HHIP: variants seen among roughly 807,000 people sequenced by gnomAD.
HHIP encodes the protein hedgehog-interacting protein.
In HHIP, 12 loss-of-function variants were observed where a neutral mutation model predicts 74.0. The ratio of observed to expected loss-of-function variants is 0.16; its 90% CI spans 0.10 to 0.26. HHIP has a LOEUF of 0.26. Ranked by LOEUF, HHIP falls within the 10% of genes least tolerant of loss-of-function variation. The probability of loss-of-function intolerance (pLI) is 1.00; values close to 1 mark genes in which losing one functional copy is unlikely to be tolerated. For synonymous variants in HHIP, 309 were observed against 311.6 expected (o/e 0.99, Z 0.09); for missense variants, 788 against 845.0 (o/e 0.93, Z 0.84).
chr4:144,691,224 A>G (rs1729654039), intron 4 of HHIP, among the ~76,000 whole-genome samples: 1 of 152,184 alleles, frequency 6.6e-6, no homozygotes, highest in South Asian at 2.1e-4. Flanking sequence ...ATAGACCACC[A>G]GATATCTGGA....
intron 4 of HHIP, among the ~76,000 whole-genome samples, chr4:144,660,862 T>C (rs1272418503): frequency 1.3e-5 from 2 of 152,168 alleles, no homozygotes; most frequent in Non-Finnish European, 2.9e-5. Flanking sequence ...TAATATTCAT[T>C]CACAAAAAGG....
intron 12 of HHIP, among the ~76,000 whole-genome samples, chr4:144,735,180 A>G (rs1731077196): frequency 6.6e-6 from 1 of 152,168 alleles, no homozygotes; most frequent in Non-Finnish European, 1.5e-5. Flanking sequence ...TCATCTCTTT[A>G]GGCCTCTTGG....
At chr4:144,696,980 T>G (rs1458810223) in intron 4 of HHIP, among the ~76,000 whole-genome samples, 2 of 151,980 alleles carry the variant, frequency 1.3e-5, no homozygotes, top group Non-Finnish European at 2.9e-5. Context: ...ATATCTAACA[T>G]TTTGTTGTGT....
intron 11 of HHIP, among the ~76,000 whole-genome samples, chr4:144,724,124 T>C (rs1185828458): frequency 6.6e-6 from 1 of 152,200 alleles, no homozygotes; most frequent in Non-Finnish European, 1.5e-5. Flanking sequence ...GCATACATAA[T>C]AGATGGTAGC....
intron 4 of HHIP, among the ~76,000 whole-genome samples, chr4:144,701,664 T>C (rs1297526555): frequency 2.0e-5 from 3 of 152,142 alleles, no homozygotes; most frequent in Non-Finnish European, 4.4e-5. Flanking sequence ...GTGGAATAAG[T>C]GTAAAATTAA....
At chr4:144,704,992 C>T (rs1730092378) in intron 4 of HHIP, among the ~76,000 whole-genome samples, 1 of 152,128 alleles carries the variant, frequency 6.6e-6, no homozygotes, top group South Asian at 2.1e-4. Flanking sequence ...ATATATCGGT[C>T]ATTAGAGTTT....
In HHIP at chr4:144,740,956, C is replaced by T. The variant is rs1731248331; in HGVS notation, c.*2999C>T. On this transcript the variant is annotated 3_prime_UTR_variant, in exon 13 of 13. Transcript: ENST00000296575. ...AACCTTTCTACTACTGTTTCTGCCA[C>T]ACTGTTGTCCTGGTTCATAGAACCT... is the stretch of plus-strand genomic sequence containing the variant. 6.6e-6 allele frequency: 1 copy of T among 152,130 alleles called. No individual in the cohort carries two copies. Among genetic ancestry groups the T allele is most frequent in the African/African-American group, 2.4e-5 (1 of 41,402 alleles). The allele number at this position is 152,130 out of a possible 1,614,324, so 9.4% of individuals were successfully genotyped here. A position where few individuals can be genotyped will look rare whatever the true frequency, so the allele number is the denominator to read the frequency against.
chr4:144,706,252 C>T (rs556625866), intron 4 of HHIP, among the ~76,000 whole-genome samples: 3 of 152,276 alleles, frequency 2.0e-5, no homozygotes, highest in East Asian at 1.9e-4. Context: ...GTCCTCCTAG[C>T]GGCCCAAGAT....
At chr4:144,707,331 A>G (rs1172941543) in intron 6 of HHIP, 71 bp downstream of exon 6, 7 of 1,303,728 alleles carry the variant, frequency 5.4e-6, no homozygotes, top group Non-Finnish European at 7.4e-6. Context: ...AAAGGTGGGC[A>G]CCAGTGAATT....
chr4:144,707,371 T>A, intron 6 of HHIP, 111 bp downstream of exon 6: 3 of 837,368 alleles, frequency 3.6e-6, no homozygotes, highest in Non-Finnish European at 5.5e-6. Context: ...TCACCTTGGT[T>A]AAATACTTAA....
chr4:144,662,483 AC>A (rs1187924558), intron 4 of HHIP, among the ~76,000 whole-genome samples: 1 of 152,266 alleles, frequency 6.6e-6, no homozygotes, highest in African/African-American at 2.4e-5. Context: ...AATGCAAAGC[AC>A]AAGCTAAAGA....
intron 11 of HHIP, among the ~76,000 whole-genome samples, chr4:144,726,025 A>G (rs1327463808): frequency 1.3e-5 from 2 of 152,108 alleles, no homozygotes. Flanking sequence ...TTTTTATCAC[A>G]ATAAAAATAG....
intron 8 of HHIP, among the ~76,000 whole-genome samples, chr4:144,712,885 GGTGT>G (rs4030000): frequency 2.6e-4 from 37 of 144,130 alleles, no homozygotes; most frequent in African/African-American, 6.2e-4. Flanking sequence ...TTTTTTTTCA[GGTGT>G]GTGTGTGTGT....
rs1262324578 is a variant in HHIP at position 144,743,204 on chromosome 4, C to G, written c.*5247C>G. On this transcript the variant is annotated 3_prime_UTR_variant, in exon 13 of 13. Transcript: ENST00000296575. ...ATATATTCATGGGATTGTGAGGGAG[C>G]ATTGTAGAGCTGTTTTCTTCTCAGT... is the stretch of plus-strand genomic sequence containing the variant. The G allele has an allele frequency of 6.6e-6, 1 of 150,708 alleles. No homozygotes were observed. Among genetic ancestry groups the G allele is most frequent in the Non-Finnish European group, 1.5e-5 (1 of 67,690 alleles). The allele number at this position is 150,708 out of a possible 1,614,324, so 9.3% of individuals were successfully genotyped here.
chr4:144,669,778 T>C (rs1285151667), intron 4 of HHIP, among the ~76,000 whole-genome samples: 1 of 148,344 alleles, frequency 6.7e-6, no homozygotes, highest in Non-Finnish European at 1.5e-5. Context: ...CAGTTTTATA[T>C]ATAGCCACAA....
chr4:144,658,800 A>T lies in HHIP; in HGVS notation c.483A>T (p.Gln161His), dbSNP rs751946112. ...TCRGHIPGFL[Q>H]TTADEFCFYY... The stretch of plus-strand genomic sequence containing the variant: ...TTATATTTTTTAAAGGTTTCCTTCA[A>T]ACAACTGCGGATGAGTTTTGCTTTT... Residue 161 changes from glutamine (Q) to histidine (H), a missense_variant, in exon 3 of 13, where the codon CAA becomes CAT. Gln to His is a conservative substitution (Grantham distance 24, BLOSUM62 0). Coordinates refer to ENST00000296575, the MANE Select transcript of HHIP (RefSeq NM_022475.3). 1 of 1,611,792 alleles carries T rather than the reference A, an allele frequency of 6.2e-7. No individual in the cohort carries two copies. The highest frequency in any genetic ancestry group is 1.3e-5 in the African/African-American group (1 of 74,884).
chr4:144,711,330 T>A (rs778551408), intron 7 of HHIP, among the ~76,000 whole-genome samples: 2 of 152,216 alleles, frequency 1.3e-5, no homozygotes, highest in South Asian at 2.1e-4. Flanking sequence ...TTGTTTTTTT[T>A]ATGTTATTTT....
intron 4 of HHIP, among the ~76,000 whole-genome samples, chr4:144,664,602 T>C (rs1038361768): frequency 6.6e-6 from 1 of 152,172 alleles, no homozygotes; most frequent in African/African-American, 2.4e-5. Flanking sequence ...AAAAGTAGTA[T>C]TGGTAACATA....
intron 11 of HHIP, among the ~76,000 whole-genome samples, chr4:144,732,364 C>T (rs1430510372): frequency 6.6e-6 from 1 of 152,080 alleles, no homozygotes; most frequent in Non-Finnish European, 1.5e-5. Flanking sequence ...TAAACAAGCC[C>T]AGGTGTGAAA....
Sources: allele counts gnomAD v4.1 joint callset (sites outside exome capture counted in the v4.1 genomes callset), GRCh38; gene constraint gnomAD v4.1.1; transcripts MANE v1.5; gene names NCBI Gene and HGNC (gene_info 2026-07-23, HGNC 2026-07-21).